The following ADGRL3 variants were observed in gnomAD, a reference collection of about 807,000 sequenced individuals.
ADGRL3 encodes the protein adhesion G protein-coupled receptor L3.
Under a neutral mutation model 153.5 loss-of-function variants are expected in ADGRL3, and 62 were observed. That is an observed-to-expected ratio of 0.40 (90% CI 0.33 to 0.50). The LOEUF (loss-of-function observed/expected upper bound fraction) is 0.50, where lower values mean the gene tolerates loss of function less well. Among genes scored for constraint, ADGRL3 ranks in the 20% least tolerant of loss-of-function variants. The pLI is 0.47. For missense variants in ADGRL3, 1,641 were observed against 1,859.4 expected (o/e 0.88, Z 2.16); for synonymous variants, 710 against 672.5 (o/e 1.06, Z -0.86).
intron 5 of ADGRL3, among the ~76,000 whole-genome samples, chr4:61,632,257 G>T (rs1308690184): frequency 1.3e-5 from 2 of 152,028 alleles, no homozygotes; most frequent in African/African-American, 4.8e-5. Flanking sequence ...AATTTTTAAG[G>T]TTGCAATAAT....
At chr4:61,728,284 A>T (rs536150960) in intron 6 of ADGRL3, among the ~76,000 whole-genome samples, 1 of 152,194 alleles carries the variant, frequency 6.6e-6, no homozygotes, top group South Asian at 2.1e-4. Context: ...AGTAACCAGC[A>T]ATCAACAGAG....
chr4:61,742,008 C>T (rs1202895524), intron 8 of ADGRL3, among the ~76,000 whole-genome samples: 1 of 152,182 alleles, frequency 6.6e-6, no homozygotes, highest in African/African-American at 2.4e-5. Flanking sequence ...CATTTCACTG[C>T]TCATTAGCAT....
intron 2 of ADGRL3, among the ~76,000 whole-genome samples, chr4:61,429,905 G>C (rs1220962445): frequency 6.6e-6 from 1 of 152,004 alleles, no homozygotes; most frequent in African/African-American, 2.4e-5. Flanking sequence ...AGGTATTTAT[G>C]GGGTAGTTTT....
At chr4:61,570,828 T>G (rs1335850740) in intron 4 of ADGRL3, among the ~76,000 whole-genome samples, 1 of 152,210 alleles carries the variant, frequency 6.6e-6, no homozygotes, top group Non-Finnish European at 1.5e-5. Context: ...TCATTTGCAT[T>G]ATTTCTTGTC....
At chr4:61,511,450 C>T (rs1024896715) in intron 3 of ADGRL3, among the ~76,000 whole-genome samples, 1 of 152,168 alleles carries the variant, frequency 6.6e-6, no homozygotes, top group Non-Finnish European at 1.5e-5. Flanking sequence ...TTTATCATGT[C>T]TAGGAACTTT....
chr4:61,660,421 A>G (rs756413511), intron 5 of ADGRL3, among the ~76,000 whole-genome samples: 1 of 152,104 alleles, frequency 6.6e-6, no homozygotes, highest in Non-Finnish European at 1.5e-5. Context: ...TTTTAATCAT[A>G]CTTTCTCTGG....
chr4:61,834,745 A>G (rs2148911325), intron 9 of ADGRL3, among the ~76,000 whole-genome samples: 1 of 152,312 alleles, frequency 6.6e-6, no homozygotes, highest in South Asian at 2.1e-4. Flanking sequence ...CAAGGCTTGC[A>G]TGACAAAGGC....
intron 6 of ADGRL3, among the ~76,000 whole-genome samples, chr4:61,697,289 G>A (rs1457584103): frequency 2.0e-5 from 3 of 152,052 alleles, no homozygotes; most frequent in Non-Finnish European, 4.4e-5. Flanking sequence ...GGACAGGCAT[G>A]GTGGCACATG....
intron 5 of ADGRL3, among the ~76,000 whole-genome samples, chr4:61,590,798 T>C (rs2098966108): frequency 6.6e-6 from 1 of 152,120 alleles, no homozygotes; most frequent in African/African-American, 2.4e-5. Flanking sequence ...GATGGCAGCA[T>C]TAGTGGAACC....
In ADGRL3 at chr4:61,375,841, C is replaced by G. The variant is rs76644686; in HGVS notation, c.-239-7283C>G. Among the ~76,000 whole-genome samples, 491 of 152,142 alleles carry G rather than the reference C, an allele frequency of 3.2e-3. 4 individuals are homozygous for G. The highest frequency in any genetic ancestry group is 0.011 in the African/African-American group (440 of 41,510). ...TTGTAGAAGCAATAGCAATCAGTGTCACTTAATTGCAGGTATATATTGAAA... is the reference window on the plus strand; with the variant it reads ...TTGTAGAAGCAATAGCAATCAGTGTGACTTAATTGCAGGTATATATTGAAA... On this transcript the variant is annotated intron_variant, in intron 1 of 26. Coordinates refer to ENST00000683033, the MANE Select transcript of ADGRL3 (RefSeq NM_001387552.1).
rs371906910 is a variant in ADGRL3 at position 61,749,286 on chromosome 4, G to A, written c.1399+15732G>A. Reference sequence around the variant, plus strand: ...GGGACTGTAAACTAGTTCAACCATCGTGGAAGTCAGTGTGGCGATTCCTCA... The same window carrying A: ...GGGACTGTAAACTAGTTCAACCATCATGGAAGTCAGTGTGGCGATTCCTCA... On this transcript the variant is annotated intron_variant, in intron 8 of 26. Transcript: ENST00000683033. Among the ~76,000 whole-genome samples the A allele has an allele frequency of 2.5e-4, 38 of 151,882 alleles. No homozygotes were observed. In the East Asian group the frequency reaches 5.0e-3, roughly 20 times the overall value.
At chr4:61,582,721 T>C (rs1010984890) in intron 4 of ADGRL3, among the ~76,000 whole-genome samples, 2 of 152,012 alleles carry the variant, frequency 1.3e-5, no homozygotes, top group African/African-American at 4.8e-5. Flanking sequence ...TCATCTATCA[T>C]GTAATTATTT....
rs763827190 is a variant in ADGRL3 at position 62,070,710 on chromosome 4, G to A, written c.4434G>A (p.Pro1478=). Reference sequence around the variant, plus strand: ...CCAGCACCCAGACCGAACCCCCACCGGCCAAATGTGGTGATGCCGAAGATG... The same window carrying A: ...CCAGCACCCAGACCGAACCCCCACCAGCCAAATGTGGTGATGCCGAAGATG... ...VTTSTQTEPP[P]AKCGDAEDVY... Residue 1478 remains proline (P), a synonymous_variant, in exon 27 of 27, where the codon CCG becomes CCA. Coordinates refer to ENST00000683033, the MANE Select transcript of ADGRL3 (RefSeq NM_001387552.1). 1.1e-5 allele frequency: 17 copies of A among 1,551,362 alleles called. No individual in the cohort carries two copies. Among genetic ancestry groups the A allele is most frequent in the South Asian group, 4.8e-5 (4 of 84,044 alleles).
chr4:61,440,879 A>T (rs535423732), intron 2 of ADGRL3, among the ~76,000 whole-genome samples: 2 of 152,332 alleles, frequency 1.3e-5, no homozygotes, highest in African/African-American at 4.8e-5. Flanking sequence ...ATATATATGA[A>T]GTCATGTACC....
intron 1 of ADGRL3, among the ~76,000 whole-genome samples, chr4:61,251,154 C>G (rs1759085005): frequency 6.6e-6 from 1 of 152,158 alleles, no homozygotes; most frequent in Non-Finnish European, 1.5e-5. Context: ...TCTGCTCCAT[C>G]ATGCCTGGGG....
chr4:61,958,960 A>G (rs1424559058), intron 17 of ADGRL3, among the ~76,000 whole-genome samples: 1 of 152,160 alleles, frequency 6.6e-6, no homozygotes, highest in Non-Finnish European at 1.5e-5. Context: ...CCCTGCTTCT[A>G]CTGTCTAAGG....
intron 3 of ADGRL3, among the ~76,000 whole-genome samples, chr4:61,500,637 C>G (rs967323788): frequency 6.6e-6 from 1 of 152,174 alleles, no homozygotes; most frequent in Non-Finnish European, 1.5e-5. Flanking sequence ...TTTTTGCCCT[C>G]TTGACCATTG....
At chr4:61,635,499 A>G (rs535275427) in intron 5 of ADGRL3, among the ~76,000 whole-genome samples, 1 of 152,258 alleles carries the variant, frequency 6.6e-6, no homozygotes, top group South Asian at 2.1e-4. Context: ...GAGTTGAGGT[A>G]TACCTCTCAT....
At chr4:61,651,668 C>T (rs865904791) in intron 5 of ADGRL3, among the ~76,000 whole-genome samples, 4 of 151,564 alleles carry the variant, frequency 2.6e-5, no homozygotes, top group African/African-American at 7.3e-5. Context: ...AGTGCAGTGG[C>T]GTGATCTCGG....
Sources: gnomAD v4.1 joint callset for allele counts (sites outside exome capture counted in the v4.1 genomes callset) on GRCh38, gnomAD v4.1.1 for gene constraint, MANE v1.5 for transcripts, NCBI Gene and HGNC (gene_info 2026-07-23, HGNC 2026-07-21) for gene names.